The following RBFOX1 variants were observed in gnomAD, a reference collection of about 807,000 sequenced individuals.
The protein encoded by RBFOX1 is RNA binding protein fox-1 homolog 1.
A neutral mutation model predicts 57.7 loss-of-function variants in RBFOX1; 8 were observed. That is an observed-to-expected ratio of 0.14 (90% CI 0.08 to 0.25). RBFOX1 has a LOEUF of 0.25. Ranked by LOEUF, RBFOX1 falls within the 10% of genes least tolerant of loss-of-function variation. The probability of loss-of-function intolerance (pLI) is 1.00; values close to 1 mark genes in which losing one functional copy is unlikely to be tolerated. For synonymous variants in RBFOX1, 326 were observed against 222.4 expected, an observed-to-expected ratio of 1.47 and a Z score of -4.15; for missense variants, 611 against 548.5, an observed-to-expected ratio of 1.11 and a Z score of -1.14.
intron 4 of RBFOX1, among the ~76,000 whole-genome samples, chr16:7,327,189 G>A (rs2096622581): frequency 6.6e-6 from 1 of 152,142 alleles, no homozygotes; most frequent in Non-Finnish European, 1.5e-5. Flanking sequence ...CAACAAGATT[G>A]ATCTAAAAGG....
chr16:7,020,518 C>T (rs778322086), intron 3 of RBFOX1, among the ~76,000 whole-genome samples: 4 of 151,840 alleles, frequency 2.6e-5, no homozygotes, highest in Non-Finnish European at 5.9e-5. Context: ...CGCGCCCAGC[C>T]AATCTAAAAT....
At chr16:6,670,468 C>G (rs2098757236) in intron 3 of RBFOX1, among the ~76,000 whole-genome samples, 1 of 152,112 alleles carries the variant, frequency 6.6e-6, no homozygotes, top group Non-Finnish European at 1.5e-5. Context: ...TGCCCCATGA[C>G]TGGAATGTTT....
chr16:7,280,554 A>C (rs2095520953), intron 4 of RBFOX1, among the ~76,000 whole-genome samples: 1 of 152,136 alleles, frequency 6.6e-6, no homozygotes, highest in African/African-American at 2.4e-5. Flanking sequence ...AAAGACCACT[A>C]GGGCTGTAGT....
Position 6,588,214 on chromosome 16 carries a change from A to T in RBFOX1, c.-63-66389A>T, listed in dbSNP as rs201358306. Among the ~76,000 whole-genome samples the T allele has an allele frequency of 9.3e-5, 14 of 150,862 alleles. No individual in the cohort carries two copies. In the East Asian group the frequency reaches 2.8e-3, roughly 30 times the overall value. On this transcript the variant is annotated intron_variant, in intron 2 of 15. Transcript: ENST00000550418. Reference sequence around the variant, plus strand: ...CCACTGTACTCCAGCCTGGGCACAGAGCAAGACTGTGTCTCGGGAAAAAAA... The same window carrying T: ...CCACTGTACTCCAGCCTGGGCACAGTGCAAGACTGTGTCTCGGGAAAAAAA...
chr16:5,263,459 A>T (rs139451102), intron 1 of RBFOX1, among the ~76,000 whole-genome samples: 1,949 of 152,252 alleles, frequency 0.013, 38 homozygotes, highest in African/African-American at 0.044. Context: ...AGCAGGGATA[A>T]TCAAGGTTTT....
chr16:7,237,961 G>A (rs142337967), intron 4 of RBFOX1, among the ~76,000 whole-genome samples: 15 of 152,320 alleles, frequency 9.8e-5, no homozygotes, highest in African/African-American at 2.6e-4. Context: ...CCCACGTCGC[G>A]TCCCTGCACG....
chr16:7,457,907 T>C (rs2058835945), intron 4 of RBFOX1, among the ~76,000 whole-genome samples: 1 of 152,148 alleles, frequency 6.6e-6, no homozygotes, highest in South Asian at 2.1e-4. Context: ...AGTTAACGTA[T>C]ATTCTCAGTC....
intron 3 of RBFOX1, among the ~76,000 whole-genome samples, chr16:6,911,318 C>T (rs573975124): frequency 7.9e-5 from 12 of 152,070 alleles, no homozygotes; most frequent in Admixed American, 6.5e-4. Flanking sequence ...AAATGTTTTG[C>T]CTTACACTTG....
intron 3 of RBFOX1, among the ~76,000 whole-genome samples, chr16:6,963,842 G>C (rs1174598800): frequency 6.6e-6 from 1 of 151,348 alleles, no homozygotes; most frequent in Non-Finnish European, 1.5e-5. Flanking sequence ...GGGGCTACAG[G>C]CGCACACCAC....
chr16:6,183,961 C>T (rs1239602390), intron 1 of RBFOX1, among the ~76,000 whole-genome samples: 2 of 152,128 alleles, frequency 1.3e-5, no homozygotes, highest in Non-Finnish European at 2.9e-5. Context: ...GAGAGTGGGT[C>T]ATTTATAAAG....
chr16:6,602,837 C>G (rs527891780), intron 2 of RBFOX1, among the ~76,000 whole-genome samples: 1 of 151,998 alleles, frequency 6.6e-6, no homozygotes, highest in Non-Finnish European at 1.5e-5. Flanking sequence ...GAGCTCATGC[C>G]CCACACACCC....
chr16:7,362,517 T>TGTTA (rs139827246), intron 4 of RBFOX1, among the ~76,000 whole-genome samples: 16,136 of 151,448 alleles, frequency 0.11, 1,071 homozygotes, highest in East Asian at 0.21. Context: ...GTTTTTTGTG[T>TGTTA]GTTTACATGT....
At chr16:5,829,902 C>T (rs1400719500) in intron 3 of RBFOX1, among the ~76,000 whole-genome samples, 2 of 151,868 alleles carry the variant, frequency 1.3e-5, no homozygotes, top group South Asian at 4.2e-4. Context: ...TTTTTTTTCC[C>T]CTTAGGTGAC....
intron 3 of RBFOX1, among the ~76,000 whole-genome samples, chr16:5,851,231 A>C (rs1048679524): frequency 6.6e-6 from 1 of 152,218 alleles, no homozygotes; most frequent in Admixed American, 6.5e-5. Flanking sequence ...CAGAGCAGGA[A>C]GGATATCAGT....
At chr16:5,481,780 G>C (rs745446624) in intron 2 of RBFOX1, among the ~76,000 whole-genome samples, 1 of 152,124 alleles carries the variant, frequency 6.6e-6, no homozygotes, top group South Asian at 2.1e-4. Context: ...CAGCATGTTG[G>C]TTCCTTCTGA....
At chr16:7,119,442 C>G (rs779215684) in intron 4 of RBFOX1, among the ~76,000 whole-genome samples, 3 of 152,074 alleles carry the variant, frequency 2.0e-5, no homozygotes, top group Non-Finnish European at 2.9e-5. Context: ...GCAGACAGAA[C>G]TAGTAAACTG....
intron 4 of RBFOX1, among the ~76,000 whole-genome samples, chr16:7,463,034 G>A (rs771672757): frequency 5.3e-5 from 8 of 152,134 alleles, no homozygotes; most frequent in African/African-American, 1.9e-4. Flanking sequence ...CCAAAAACTG[G>A]TTGGCTTATC....
At chr16:6,876,583 C>G (rs1046723655) in intron 3 of RBFOX1, among the ~76,000 whole-genome samples, 3 of 151,890 alleles carry the variant, frequency 2.0e-5, no homozygotes, top group South Asian at 2.1e-4. Context: ...TGTGAGAAAC[C>G]TTGGACTTTA....
At chr16:6,720,357 T>C (rs2065736125) in intron 3 of RBFOX1, among the ~76,000 whole-genome samples, 1 of 152,172 alleles carries the variant, frequency 6.6e-6, no homozygotes, top group African/African-American at 2.4e-5. Flanking sequence ...GTTTCCTCAG[T>C]CTTCCTAGCC....
Sources: gnomAD v4.1 joint callset for allele counts (sites outside exome capture counted in the v4.1 genomes callset) on GRCh38, gnomAD v4.1.1 for gene constraint, MANE v1.5 for transcripts, NCBI Gene and HGNC (gene_info 2026-07-23, HGNC 2026-07-21) for gene names.